EPB41: variants seen among roughly 807,000 people sequenced by gnomAD.
The protein encoded by EPB41 is erythrocyte membrane protein band 4.1.
Under a neutral mutation model 108.0 loss-of-function variants are expected in EPB41, and 65 were observed. That is an observed-to-expected ratio of 0.60 (90% CI 0.49 to 0.74). EPB41 has a LOEUF of 0.74. Ranked by LOEUF, EPB41 falls within the 30% of genes least tolerant of loss-of-function variation. The pLI, the probability that EPB41 is intolerant of heterozygous loss-of-function variation, is 0.00. For missense variants in EPB41, 875 were observed against 1,037.0 expected (o/e 0.84, Z 2.15); for synonymous variants, 336 against 358.9 (o/e 0.94, Z 0.72).
chr1:29,009,400 T>C (rs1345124210), intron 4 of EPB41, among the ~76,000 whole-genome samples: 1 of 152,148 alleles, frequency 6.6e-6, no homozygotes, highest in Non-Finnish European at 1.5e-5. Context: ...GACACAAAAG[T>C]GGGTTTGCCT....
intron 1 of EPB41, among the ~76,000 whole-genome samples, chr1:28,973,181 T>G (rs1018012126): frequency 6.6e-6 from 1 of 152,160 alleles, no homozygotes; most frequent in African/African-American, 2.4e-5. Flanking sequence ...TGAAAGAATG[T>G]CACTAGTTTC....
chr1:28,971,223 G>T (rs182248374), intron 1 of EPB41, among the ~76,000 whole-genome samples: 2 of 112,332 alleles, frequency 1.8e-5, no homozygotes, highest in Non-Finnish European at 3.3e-5. Context: ...TCCCTCTGTC[G>T]CCCAGGCTGG....
chr1:29,059,639 A>G (rs1277161478), intron 14 of EPB41, among the ~76,000 whole-genome samples: 2 of 151,704 alleles, frequency 1.3e-5, no homozygotes, highest in Admixed American at 1.3e-4. Flanking sequence ...TTAGCCAGGC[A>G]TGGTGATACA....
chr1:29,053,127 C>G lies in EPB41; in HGVS notation c.1660C>G (p.Arg554Gly). The stretch of plus-strand genomic sequence containing the variant: ...AGCAGCAGCTGTCGATTCGGCAGAC[C>G]GAAGTCCTCGGCCCACTTCTGCACC... Reference protein sequence around the residue: ...DGAAAVDSADRSPRPTSAPAI... With the variant: ...DGAAAVDSADGSPRPTSAPAI... Residue 554 changes from arginine (R) to glycine (G), a missense_variant, in exon 12 of 21, where the codon CGA (arginine) becomes GGA (glycine). This residue lies in a region of EPB41 where 519 missense variants were observed against 627.3 expected (regional missense o/e 0.83). Transcript: ENST00000343067. 4 of 1,614,110 alleles carry G rather than the reference C, an allele frequency of 2.5e-6. No homozygotes were observed. Among genetic ancestry groups the G allele is most frequent in the Middle Eastern group, 1.7e-4 (1 of 6,026 alleles).
At chr1:28,964,632 AAAT>A (rs2095315845) in intron 1 of EPB41, among the ~76,000 whole-genome samples, 2 of 96,560 alleles carry the variant, frequency 2.1e-5, no homozygotes, top group Non-Finnish European at 3.9e-5. Context: ...TAAATAAAAT[AAAT>A]AAATAAATAA....
chr1:29,050,086 A>G (rs1473458564), intron 11 of EPB41, among the ~76,000 whole-genome samples: 1 of 152,246 alleles, frequency 6.6e-6, no homozygotes, highest in African/African-American at 2.4e-5. Flanking sequence ...ACAGATGATT[A>G]AACTAAAGTT....
At chr1:29,079,366 T>G (rs1462067297) in intron 16 of EPB41, among the ~76,000 whole-genome samples, 2 of 152,088 alleles carry the variant, frequency 1.3e-5, no homozygotes, top group Non-Finnish European at 2.9e-5. Context: ...AATTTAAGAT[T>G]GGGTATCTAC....
chr1:29,018,448 T>TA lies in EPB41; in HGVS notation c.1124+7dup. On this transcript the variant is annotated splice_region_variant and intron_variant, in intron 7 of 20. Coordinates refer to ENST00000343067, the MANE Select transcript of EPB41 (RefSeq NM_001376013.1). The surrounding 1 kb of genome is among the most constrained non-coding windows in gnomAD (Gnocchi z 4.4). ...GAACTGCATAAGTCATACAGGTGAA[T>TA]ATGTCTCCAGGGTTTGTTCGGTGTT... The TA allele has an allele frequency of 1.2e-6, 2 of 1,612,992 alleles. No individual in the cohort carries two copies. The highest frequency in any genetic ancestry group is 1.7e-6 in the Non-Finnish European group (2 of 1,179,630).
intron 1 of EPB41, 147 bp from the exon 2 acceptor site, chr1:28,987,284 A>T: frequency 1.5e-6 from 1 of 685,692 alleles, no homozygotes; most frequent in Non-Finnish European, 2.5e-6. Context: ...TTTGTAATTT[A>T]ATGGAAAGTC....
chr1:28,889,674 G>A, intron 1 of EPB41: 1 of 333,784 alleles, frequency 3.0e-6, no homozygotes, highest in Non-Finnish European at 4.3e-6. Flanking sequence ...GGGCCCAGCT[G>A]ATGGAACCTA....
intron 16 of EPB41, among the ~76,000 whole-genome samples, chr1:29,094,019 T>C (rs528628756): frequency 6.6e-6 from 1 of 152,298 alleles, no homozygotes; most frequent in South Asian, 2.1e-4. Context: ...CTATCTTGAG[T>C]TGACTTTTGT....
In EPB41 at chr1:29,110,938, G is replaced by A. The variant is rs538947478; in HGVS notation, c.2416-1430G>A. Among the ~76,000 whole-genome samples, 27 of 152,238 alleles carry A rather than the reference G, an allele frequency of 1.8e-4. 2 individuals carry two copies. The South Asian group carries it at 5.0e-3, about 28-fold the overall frequency. On this transcript the variant is annotated intron_variant, in intron 18 of 20. Transcript: ENST00000343067. Reference sequence around the variant, plus strand: ...TCCCAACACTTTGGGAGGCCAAGGCGGGCGGATCACCTGAGATCAGGAGTT... The same window carrying A: ...TCCCAACACTTTGGGAGGCCAAGGCAGGCGGATCACCTGAGATCAGGAGTT...
intron 1 of EPB41, among the ~76,000 whole-genome samples, chr1:28,926,944 T>G (rs182903092): frequency 7.5e-4 from 114 of 152,378 alleles, no homozygotes; most frequent in Admixed American, 1.3e-3. Flanking sequence ...TTTTTATGCC[T>G]GAGTGTGAGT....
intron 1 of EPB41, among the ~76,000 whole-genome samples, chr1:28,932,920 G>T (rs989046884): frequency 6.6e-6 from 1 of 152,004 alleles, no homozygotes; most frequent in African/African-American, 2.4e-5. Context: ...CTTTTTTCCA[G>T]GATTTTCTTG....
At chr1:29,029,815 T>C (rs2096766203) in intron 7 of EPB41, among the ~76,000 whole-genome samples, 2 of 152,228 alleles carry the variant, frequency 1.3e-5, no homozygotes, top group South Asian at 4.1e-4. Flanking sequence ...TGAACCAGTT[T>C]ATTTTGTTTA....
intron 1 of EPB41, among the ~76,000 whole-genome samples, chr1:28,977,991 T>G (rs1408927639): frequency 6.9e-6 from 1 of 145,514 alleles, no homozygotes; most frequent in Non-Finnish European, 1.5e-5. Context: ...CAAACTCTCC[T>G]TAATCATTCA....
At chr1:28,929,642 C>T (rs1178397102) in intron 1 of EPB41, among the ~76,000 whole-genome samples, 1 of 152,046 alleles carries the variant, frequency 6.6e-6, no homozygotes, top group Non-Finnish European at 1.5e-5. Context: ...AGCGATTCTC[C>T]TGCCTCAGCC....
intron 1 of EPB41, among the ~76,000 whole-genome samples, chr1:28,930,268 C>T (rs148645949): frequency 6.8e-5 from 10 of 147,662 alleles, no homozygotes; most frequent in Admixed American, 4.1e-4. Flanking sequence ...GTGATCCTAC[C>T]GCCGCAGCCT....
At chr1:29,114,701 CTT>C (rs1670320285) in intron 19 of EPB41, among the ~76,000 whole-genome samples, 1 of 149,304 alleles carries the variant, frequency 6.7e-6, no homozygotes, top group Non-Finnish European at 1.5e-5. Context: ...ACAGTAAGCT[CTT>C]TACTGAAATT....
Sources: gnomAD v4.1 joint callset for allele counts (sites outside exome capture counted in the v4.1 genomes callset) on GRCh38, gnomAD v4.1.1 for gene constraint, gnomAD v4.1.1 regional missense constraint, Gnocchi (gnomAD v3.1) non-coding constraint, MANE v1.5 for transcripts, NCBI Gene and HGNC (gene_info 2026-07-23, HGNC 2026-07-21) for gene names.